Variants in SFXN3 observed in about 807,000 individuals in gnomAD.
SFXN3 encodes sideroflexin 3.
A neutral mutation model predicts 40.4 loss-of-function variants in SFXN3; 31 were observed. That is an observed-to-expected ratio of 0.77 (90% CI 0.58 to 1.04). The LOEUF (loss-of-function observed/expected upper bound fraction) is 1.04. Ranked by LOEUF, SFXN3 falls within the 50% of genes least tolerant of loss-of-function variation. The pLI, the probability that SFXN3 is intolerant of heterozygous loss-of-function variation, is 0.00. For missense variants in SFXN3, 366 were observed against 408.2 expected, an observed-to-expected ratio of 0.90 and a Z score of 0.89; for synonymous variants, 157 against 160.0, an observed-to-expected ratio of 0.98 and a Z score of 0.14.
exon 2 of SFXN3, chr10:101,032,383 G>A (rs1453694024): frequency 7.1e-7 from 1 of 1,403,532 alleles, no homozygotes; most frequent in African/African-American, 1.5e-5. Context: ...GCTGGTCGGC[G>A]TCACGCGTGA....
At chr10:101,033,887 C>G (rs1938452001) in intron 2 of SFXN3, among the ~76,000 whole-genome samples, 1 of 152,044 alleles carries the variant, frequency 6.6e-6, no homozygotes, top group Non-Finnish European at 1.5e-5. Flanking sequence ...TCTCTCCACC[C>G]AAACATCTCA....
chr10:101,034,731 C>T (rs747242755), exon 3 of SFXN3: 1 of 1,614,126 alleles, frequency 6.2e-7, no homozygotes, highest in South Asian at 1.1e-5. Flanking sequence ...CATCCAGGAA[C>T]CTCGCTGGGA....
Position 101,039,274 on chromosome 10 carries a change from T to C in SFXN3, c.869+52T>C. The C allele has an allele frequency of 6.6e-7, 1 of 1,523,600 alleles. No individual in the cohort carries two copies. The highest frequency in any genetic ancestry group is 9.0e-7 in the Non-Finnish European group (1 of 1,114,946). 94.4% of individuals were successfully genotyped at this position (1,523,600 alleles called of 1,614,324 possible). On this transcript the variant is annotated intron_variant, in intron 11 of 11. Coordinates refer to ENST00000393459, the Ensembl canonical transcript of SFXN3. The surrounding 1 kb of genome is among the most constrained non-coding windows in gnomAD (Gnocchi z 4.6). Reference sequence around the variant, plus strand: ...GGGACTCTGGATTGGACTCTGCATCTCTGGACCAGCTGACCTAGGGTCTTC... The same window carrying C: ...GGGACTCTGGATTGGACTCTGCATCCCTGGACCAGCTGACCTAGGGTCTTC...
At chr10:101,033,665 T>C (rs749178384) in intron 2 of SFXN3, among the ~76,000 whole-genome samples, 7 of 152,192 alleles carry the variant, frequency 4.6e-5, no homozygotes, top group Admixed American at 6.5e-5. Flanking sequence ...GCGTTCAGCA[T>C]ACCAAGGATC....
chr10:101,036,760 C>A lies in SFXN3; in HGVS notation c.545C>A (p.Ala182Glu). The change falls in exon 7 of 12, where the codon GCA (alanine) becomes GAA (glutamate). Residue 182 changes from alanine to glutamate, a missense_variant. Transcript: ENST00000393459. The surrounding 1 kb of genome is among the most constrained non-coding windows in gnomAD (Gnocchi z 4.2). The stretch of plus-strand genomic sequence containing the variant: ...TTGGTCGGCAGATTTGTGCCCTTTG[C>A]AGCAGTGGCAGCTGCCAACTGCATC... The A allele has an allele frequency of 1.2e-6, 2 of 1,613,842 alleles. No individual in the cohort carries two copies. Among genetic ancestry groups the A allele is most frequent in the Non-Finnish European group, 1.7e-6 (2 of 1,179,710 alleles).
At position 101,039,369 on chromosome 10, in the gene SFXN3, G is replaced by A; in HGVS notation, c.870-120G>A. ...GGAGTGGGGGAATGACAGTGAGCCA[G>A]TCCTTCTGGCAGTAGAAGGAGAGGA... On this transcript the variant is annotated intron_variant, in intron 11 of 11. Coordinates refer to ENST00000393459, the Ensembl canonical transcript of SFXN3. This position sits in a 1 kb window ranked among gnomAD's most constrained non-coding sequence, Gnocchi z 4.6. 8.3e-7 allele frequency: 1 copy of A among 1,204,558 alleles called. No homozygotes were observed. Among genetic ancestry groups the A allele is most frequent in the Non-Finnish European group, 1.2e-6 (1 of 815,090 alleles). 74.6% of individuals were successfully genotyped at this position (1,204,558 alleles called of 1,614,324 possible). A position where few individuals can be genotyped will look rare whatever the true frequency, so the allele number is the denominator to read the frequency against.
At position 101,032,325 on chromosome 10, in the gene SFXN3, C is replaced by G; in HGVS notation, c.-161C>G. 1.1e-6 allele frequency: 1 copy of G among 904,154 alleles called. No individual in the cohort carries two copies. Among genetic ancestry groups the G allele is most frequent in the Non-Finnish European group, 1.6e-6 (1 of 622,810 alleles). 56.0% of individuals were successfully genotyped at this position (904,154 alleles called of 1,614,324 possible). ...CCCACCGCCCTCAGGTTCTGCCAAT[C>G]CCCGTGCCCACCGGGTGGGCGCGGC... is the stretch of plus-strand genomic sequence containing the variant. On this transcript the variant is annotated 5_prime_UTR_variant, in exon 2 of 12. In the 5' UTR this introduces an upstream ATG that the reference lacks. Coordinates refer to ENST00000393459, the Ensembl canonical transcript of SFXN3.
chr10:101,035,565 C>T, exon 4 of SFXN3: 2 of 1,614,108 alleles, frequency 1.2e-6, no homozygotes, highest in Non-Finnish European at 1.7e-6. Context: ...TATGACTCCG[C>T]CTTCCATCCG....
intron 9 of SFXN3, chr10:101,038,298 G>T: frequency 8.1e-7 from 1 of 1,235,962 alleles, no homozygotes; most frequent in East Asian, 4.0e-5. Flanking sequence ...TCATGCCACT[G>T]GGATGGGAAG....
chr10:101,039,639 A>C lies in SFXN3; in HGVS notation c.*54A>C, dbSNP rs1189925362. 1.9e-6 allele frequency: 3 copies of C among 1,538,548 alleles called. No individual in the cohort carries two copies. The highest frequency in any genetic ancestry group is 2.7e-6 in the Non-Finnish European group (3 of 1,111,568). ...CTTCCTTGGGCTGCTGCTTTAGTGG[A>C]GTCATGTCACCCCTACCACTTGGCT... On this transcript the variant is annotated 3_prime_UTR_variant, in exon 12 of 12. Coordinates refer to ENST00000393459, the Ensembl canonical transcript of SFXN3. The surrounding 1 kb of genome is among the most constrained non-coding windows in gnomAD (Gnocchi z 4.6).
At position 101,036,204 on chromosome 10, in the gene SFXN3, GC is replaced by G; in HGVS notation, c.431+105del. 1 of 1,014,678 alleles carries G rather than the reference GC, an allele frequency of 9.9e-7. No individual in the cohort carries two copies. The highest frequency in any genetic ancestry group is 1.5e-6 in the Non-Finnish European group (1 of 660,084). 62.9% of individuals were successfully genotyped at this position (1,014,678 alleles called of 1,614,324 possible). On this transcript the variant is annotated intron_variant, in intron 5 of 11. Transcript: ENST00000393459. The surrounding 1 kb of genome is among the most constrained non-coding windows in gnomAD (Gnocchi z 4.2). Reference sequence around the variant, plus strand: ...TCTCCGGTTCCCTGTGGACCATGCAGCCAGTGCTCAGCGCCCTCTCCTCAGC... The same window carrying G: ...TCTCCGGTTCCCTGTGGACCATGCAGCAGTGCTCAGCGCCCTCTCCTCAGC...
In SFXN3 at chr10:101,036,968, C is replaced by T; in HGVS notation, c.594-108C>T. ...TGGGATCCTCAGGTGGGAGAACCAG[C>T]CTTTGAGCCTGGGGTGTGTGAGGGG... On this transcript the variant is annotated intron_variant, in intron 7 of 11. Transcript: ENST00000393459. The surrounding 1 kb of genome is among the most constrained non-coding windows in gnomAD (Gnocchi z 4.2). The T allele has an allele frequency of 6.5e-7, 1 of 1,534,668 alleles. No individual in the cohort carries two copies. Among genetic ancestry groups the T allele is most frequent in the South Asian group, 1.2e-5 (1 of 80,764 alleles).
rs1445293841 is a variant in SFXN3, at chr10:101,038,524, C to T, written c.772-119C>T. ...TGTCATTGCCTTGGGAGAAAGAAAA[C>T]GGCCACAGGTCTAAGGGCTCCAAGG... On this transcript the variant is annotated intron_variant, in intron 9 of 11. Coordinates refer to ENST00000393459, the Ensembl canonical transcript of SFXN3. The T allele has an allele frequency of 1.1e-5, 18 of 1,573,116 alleles. No individual in the cohort carries two copies. The Admixed American group carries it at 1.2e-4, about 11-fold the overall frequency.
chr10:101,038,648 C>T (rs750628996), exon 10 of SFXN3: 2 of 1,613,688 alleles, frequency 1.2e-6, no homozygotes, highest in East Asian at 2.2e-5. Context: ...CACAGCGCCG[C>T]CCCTGGCTGG....
At chr10:101,032,473 G>T (rs59193147) in exon 2 of SFXN3, 61,232 of 1,549,770 alleles carry the variant, frequency 0.04, 1,952 homozygotes, top group African/African-American at 0.16. Context: ...TTCAGAGAGC[G>T]ATGGAAAGCG....
chr10:101,038,982 G>T (rs1325217090), intron 10 of SFXN3, among the ~76,000 whole-genome samples, 193 bp from the exon 11 acceptor site: 3 of 152,104 alleles, frequency 2.0e-5, no homozygotes, highest in Non-Finnish European at 4.4e-5. Context: ...TCCTGATTCT[G>T]CCACTTACTG....
rs1205411282 is a variant in SFXN3, at chr10:101,039,411, G to A, written c.870-78G>A. 5 of 1,373,200 alleles carry A rather than the reference G, an allele frequency of 3.6e-6. No homozygotes were observed. In the African/African-American group the frequency reaches 4.3e-5, roughly 12 times the overall value. 85.1% of individuals were successfully genotyped at this position (1,373,200 alleles called of 1,614,324 possible). On this transcript the variant is annotated intron_variant, in intron 11 of 11. Coordinates refer to ENST00000393459, the Ensembl canonical transcript of SFXN3. The surrounding 1 kb of genome is among the most constrained non-coding windows in gnomAD (Gnocchi z 4.6). ...AGGAGAGGATTTTTCAGCCTGGGAG[G>A]AGGTGGGATGGCAATCCCTGGGCCT... is the stretch of plus-strand genomic sequence containing the variant.
At chr10:101,031,851 G>A (rs1179369061) in intron 1 of SFXN3, among the ~76,000 whole-genome samples, 1 of 152,112 alleles carries the variant, frequency 6.6e-6, no homozygotes, top group Non-Finnish European at 1.5e-5. Flanking sequence ...GGAGAGGGCT[G>A]GGGACATAGA....
In SFXN3 at chr10:101,039,113, G is replaced by T; in HGVS notation, c.822-62G>T. On this transcript the variant is annotated intron_variant, in intron 10 of 11. Coordinates refer to ENST00000393459, the Ensembl canonical transcript of SFXN3. The surrounding 1 kb of genome is among the most constrained non-coding windows in gnomAD (Gnocchi z 4.6). ...CCTATCTCCAAGGATGGGGTGGGGT[G>T]CAGGGAGGGAACACCCTAAGGCCAA... The T allele has an allele frequency of 7.1e-7, 1 of 1,411,730 alleles. No homozygotes were observed. Among genetic ancestry groups the T allele is most frequent in the Non-Finnish European group, 1.0e-6 (1 of 996,236 alleles). 87.5% of individuals were successfully genotyped at this position (1,411,730 alleles called of 1,614,324 possible).
Sources: gnomAD v4.1 joint callset for allele counts (sites outside exome capture counted in the v4.1 genomes callset) on GRCh38, gnomAD v4.1.1 for gene constraint, Gnocchi (gnomAD v3.1) non-coding constraint, MANE v1.5 for transcripts, NCBI Gene and HGNC (gene_info 2026-07-23, HGNC 2026-07-21) for gene names.